ARFIP1: variants seen among roughly 807,000 people sequenced by gnomAD.
The protein encoded by ARFIP1 is arfaptin-1.
A neutral mutation model predicts 42.5 loss-of-function variants in ARFIP1; 24 were observed. The ratio of observed to expected loss-of-function variants is 0.57; its 90% CI spans 0.41 to 0.80. The LOEUF (loss-of-function observed/expected upper bound fraction) is 0.80, where lower values mean the gene tolerates loss of function less well. Ranked by LOEUF, ARFIP1 falls within the 30% of genes least tolerant of loss-of-function variation. ARFIP1 has a pLI of 0.00. For synonymous variants in ARFIP1, 141 were observed against 153.7 expected, an observed-to-expected ratio of 0.92 and a Z score of 0.61; for missense variants, 354 against 434.0, an observed-to-expected ratio of 0.82 and a Z score of 1.64.
chr4:152,790,947 A>G (rs1731116545), intron 1 of ARFIP1, among the ~76,000 whole-genome samples: 13 of 151,564 alleles, frequency 8.6e-5, no homozygotes, highest in Admixed American at 8.6e-4. Context: ...CAGGTTGCCC[A>G]GGCTGATCTT....
chr4:152,823,437 G>A (rs1240558471), intron 1 of ARFIP1, among the ~76,000 whole-genome samples: 1 of 152,066 alleles, frequency 6.6e-6, no homozygotes, highest in South Asian at 2.1e-4. Flanking sequence ...ATTTTAAGAA[G>A]CCCACAGCCA....
rs1185158514 is a variant in ARFIP1, at chr4:152,829,657, T to A, written c.24T>A (p.Asn8Lys). Residue 8 changes from asparagine to lysine, a missense_variant, in exon 2 of 9, where the codon AAT (asparagine) becomes AAA (lysine). Asn to Lys is a moderately conservative substitution (Grantham distance 94, BLOSUM62 0). Coordinates refer to ENST00000353617, the MANE Select transcript of ARFIP1 (RefSeq NM_001025595.3). Reference protein sequence around the residue: MAQESPKNSAAEIPVTSN... With the variant: MAQESPKKSAAEIPVTSN... Reference sequence around the variant, plus strand: ...CCATGGCTCAAGAATCTCCCAAAAATTCAGCAGCAGAAATTCCAGTGACTA... The same window carrying A: ...CCATGGCTCAAGAATCTCCCAAAAAATCAGCAGCAGAAATTCCAGTGACTA... The A allele has an allele frequency of 6.2e-7, 1 of 1,611,302 alleles. No homozygotes were observed.
chr4:152,827,930 TC>T (rs1336946634), intron 1 of ARFIP1, among the ~76,000 whole-genome samples: 2 of 152,168 alleles, frequency 1.3e-5, no homozygotes, highest in African/African-American at 4.8e-5. Context: ...TGCCTCAGCC[TC>T]CCAAAATGTT....
rs1390558107 is a variant in ARFIP1, at chr4:152,869,449, TTTC to T, written c.203-1301_203-1299del. 2.0e-4 allele frequency among the ~76,000 whole-genome samples: 30 copies of T among 149,516 alleles called. No individual in the cohort carries two copies. In the Middle Eastern group the frequency reaches 0.011, roughly 53 times the overall value. ...TGGGTAGTCAGTGTTTCTTTCTTTC[TTTC>T]TTTTTTTTTTTAATTGAGACAGAGT... On this transcript the variant is annotated intron_variant, in intron 3 of 8. Transcript: ENST00000353617.
intron 1 of ARFIP1, among the ~76,000 whole-genome samples, chr4:152,805,832 G>T (rs1392107461): frequency 6.6e-6 from 1 of 152,268 alleles, no homozygotes; most frequent in African/African-American, 2.4e-5. Context: ...TTCACAGCTA[G>T]TGGAGGAGCC....
At chr4:152,880,100 G>C (rs1438512451) in intron 5 of ARFIP1, among the ~76,000 whole-genome samples, 1 of 152,144 alleles carries the variant, frequency 6.6e-6, no homozygotes, top group Non-Finnish European at 1.5e-5. Context: ...CCAGCACTTT[G>C]GGAGGCCAAG....
Position 152,870,799 on chromosome 4 carries a change from T to C in ARFIP1, c.249T>C (p.Val83=). The C allele has an allele frequency of 3.7e-6, 6 of 1,614,136 alleles. No individual in the cohort carries two copies. The highest frequency in any genetic ancestry group is 5.1e-6 in the Non-Finnish European group (6 of 1,179,980). The change falls in exon 4 of 9, where the codon GTT becomes GTC. Residue 83 remains valine (V), a synonymous_variant. Transcript: ENST00000353617. ...PLPSVMSPSR[V]AASRLAQQGS... is the part of the protein sequence containing the mutation. ...CATCTGTTATGTCTCCTAGCAGGGTTGCAGCTAGTCGACTGGCTCAGCAAG... is the reference window on the plus strand; with the variant it reads ...CATCTGTTATGTCTCCTAGCAGGGTCGCAGCTAGTCGACTGGCTCAGCAAG...
chr4:152,837,617 A>G (rs1731758617), intron 2 of ARFIP1, among the ~76,000 whole-genome samples: 2 of 151,792 alleles, frequency 1.3e-5, no homozygotes, highest in African/African-American at 2.4e-5. Context: ...CTACTTTTTG[A>G]TGGGATTATT....
intron 2 of ARFIP1, among the ~76,000 whole-genome samples, chr4:152,840,558 A>G (rs1419130539): frequency 6.6e-6 from 1 of 152,130 alleles, no homozygotes; most frequent in African/African-American, 2.4e-5. Context: ...TGTCTGATGT[A>G]AGAATAGCTA....
At chr4:152,858,900 G>A (rs1013704717) in intron 2 of ARFIP1, among the ~76,000 whole-genome samples, 1 of 152,154 alleles carries the variant, frequency 6.6e-6, no homozygotes, top group Non-Finnish European at 1.5e-5. Flanking sequence ...CTTTAAAGGA[G>A]CAAGCGCTGT....
chr4:152,794,282 C>T (rs980606114), intron 1 of ARFIP1, among the ~76,000 whole-genome samples: 31 of 152,270 alleles, frequency 2.0e-4, no homozygotes, highest in Non-Finnish European at 2.1e-4. Flanking sequence ...TCCGTAGTCT[C>T]TTTTAAAGTT....
chr4:152,876,957 G>T (rs377169146), intron 5 of ARFIP1, among the ~76,000 whole-genome samples: 130 of 152,340 alleles, frequency 8.5e-4, no homozygotes, highest in East Asian at 5.0e-3. Flanking sequence ...GGGAACCTCT[G>T]CCTAGATTTC....
chr4:152,856,049 G>A (rs1178851071), intron 2 of ARFIP1, among the ~76,000 whole-genome samples: 1 of 152,168 alleles, frequency 6.6e-6, no homozygotes, highest in Non-Finnish European at 1.5e-5. Context: ...CCTCTAATCA[G>A]CCATCTTGAA....
chr4:152,907,489 T>A (rs567461363), intron 8 of ARFIP1, among the ~76,000 whole-genome samples: 7 of 152,364 alleles, frequency 4.6e-5, no homozygotes, highest in Non-Finnish European at 1.0e-4. Context: ...GCTTTACCCT[T>A]ACTTTATCCT....
Position 152,889,762 on chromosome 4 carries a change from CTATACTA to C in ARFIP1, c.966+1467_966+1473del, listed in dbSNP as rs1215880242. 2.6e-3 allele frequency among the ~76,000 whole-genome samples: 51 copies of C among 19,994 alleles called. 1 individual carries two copies. The highest frequency in any genetic ancestry group is 7.3e-4 in the Non-Finnish European group (8 of 11,012). 13.1% of individuals were successfully genotyped at this position (19,994 alleles called of 152,430 possible). ...TACTATATATACTATATATTATATA[CTATACTA>C]TATACTATATATACTATATATTATA... On this transcript the variant is annotated intron_variant, in intron 8 of 8. Transcript: ENST00000353617.
intron 2 of ARFIP1, among the ~76,000 whole-genome samples, chr4:152,858,736 C>T (rs1733636815): frequency 6.6e-6 from 1 of 152,084 alleles, no homozygotes; most frequent in Admixed American, 6.5e-5. Context: ...ACCCTGCTGT[C>T]ATGATGTATA....
intron 8 of ARFIP1, among the ~76,000 whole-genome samples, chr4:152,895,696 G>T (rs1171393486): frequency 6.6e-6 from 1 of 151,374 alleles, no homozygotes; most frequent in African/African-American, 2.4e-5. Flanking sequence ...GAGTAGATGG[G>T]ATGACAGGCA....
intron 3 of ARFIP1, among the ~76,000 whole-genome samples, chr4:152,869,992 G>A (rs1246963589): frequency 6.6e-6 from 1 of 152,092 alleles, no homozygotes; most frequent in East Asian, 1.9e-4. Flanking sequence ...TTTGAGTATC[G>A]CAGGTATGTT....
chr4:152,823,110 G>A (rs2149840817), intron 1 of ARFIP1, among the ~76,000 whole-genome samples: 1 of 152,160 alleles, frequency 6.6e-6, no homozygotes, highest in East Asian at 1.9e-4. Context: ...AAAAAAGCTG[G>A]TTCTTTGAAA....
Sources: gnomAD v4.1 joint callset for allele counts (sites outside exome capture counted in the v4.1 genomes callset) on GRCh38, gnomAD v4.1.1 for gene constraint, MANE v1.5 for transcripts, NCBI Gene and HGNC (gene_info 2026-07-23, HGNC 2026-07-21) for gene names.